Variants in SLC35F1 observed in about 807,000 individuals in gnomAD.
The protein encoded by SLC35F1 is chromosome 6 open reading frame 169.
In SLC35F1, 14 loss-of-function variants were observed where a neutral mutation model predicts 48.7. The observed-to-expected ratio is 0.29, with a 90% CI of 0.19 to 0.45. The LOEUF (loss-of-function observed/expected upper bound fraction) is 0.45. Among genes scored for constraint, SLC35F1 ranks in the 20% least tolerant of loss-of-function variants. The probability of loss-of-function intolerance (pLI) is 1.00; values close to 1 mark genes in which losing one functional copy is unlikely to be tolerated. For missense variants in SLC35F1, 404 were observed against 500.0 expected (o/e 0.81, Z 1.83); for synonymous variants, 190 against 202.2 (o/e 0.94, Z 0.51).
intron 1 of SLC35F1, among the ~76,000 whole-genome samples, chr6:118,105,945 T>G (rs972198239): frequency 3.3e-5 from 5 of 152,172 alleles, no homozygotes; most frequent in Non-Finnish European, 7.3e-5. Flanking sequence ...CTTTCCTGCT[T>G]TTTTCTAATC....
At chr6:118,023,870 T>G (rs945210380) in intron 1 of SLC35F1, among the ~76,000 whole-genome samples, 1 of 152,156 alleles carries the variant, frequency 6.6e-6, no homozygotes, top group Non-Finnish European at 1.5e-5. Flanking sequence ...TGAAGACTAT[T>G]CCCGGAATCA....
chr6:118,201,866 A>G (rs979676551), intron 2 of SLC35F1, among the ~76,000 whole-genome samples: 1 of 152,188 alleles, frequency 6.6e-6, no homozygotes. Context: ...ATCATATAAT[A>G]TGTGGTTTTC....
chr6:118,259,029 T>G (rs1407847340), intron 3 of SLC35F1, among the ~76,000 whole-genome samples: 2 of 151,808 alleles, frequency 1.3e-5, no homozygotes, highest in African/African-American at 4.8e-5. Context: ...ACCCATAATT[T>G]TTTTAAAGCT....
chr6:118,224,700 T>C (rs1358194963), intron 2 of SLC35F1, among the ~76,000 whole-genome samples: 5 of 152,246 alleles, frequency 3.3e-5, no homozygotes, highest in Admixed American at 2.0e-4. Context: ...CTTGATTTCT[T>C]CTTCAGATTG....
At chr6:118,212,774 GGAAGGAAGGAAGGAAGGAAA>G (rs1218702858) in intron 2 of SLC35F1, among the ~76,000 whole-genome samples, 14 of 131,344 alleles carry the variant, frequency 1.1e-4, no homozygotes, top group African/African-American at 3.8e-4. Flanking sequence ...AAGGAAGGAA[GGAAGGAAGGAAGGAAGGAAA>G]GAAGGAAGGG....
intron 3 of SLC35F1, among the ~76,000 whole-genome samples, chr6:118,252,938 G>A (rs1238205050): frequency 1.3e-5 from 2 of 152,148 alleles, no homozygotes; most frequent in Non-Finnish European, 2.9e-5. Flanking sequence ...AATCACAAGA[G>A]GAGGGATAAT....
At chr6:118,100,189 C>T (rs189951713) in intron 1 of SLC35F1, among the ~76,000 whole-genome samples, 11 of 152,270 alleles carry the variant, frequency 7.2e-5, no homozygotes, top group Admixed American at 5.2e-4. Flanking sequence ...GGTGCCAAAG[C>T]CTAGGCATGC....
chr6:118,217,199 TTTTA>T (rs1415788190), intron 2 of SLC35F1, among the ~76,000 whole-genome samples: 1 of 152,194 alleles, frequency 6.6e-6, no homozygotes, highest in Admixed American at 6.5e-5. Flanking sequence ...CATAGCAGCG[TTTTA>T]TTTGTGATGG....
intron 4 of SLC35F1, among the ~76,000 whole-genome samples, chr6:118,270,985 A>C (rs1017297022): frequency 6.6e-6 from 1 of 152,218 alleles, no homozygotes; most frequent in African/African-American, 2.4e-5. Context: ...CATTTATTGC[A>C]TCTTTTAGTT....
intron 1 of SLC35F1, among the ~76,000 whole-genome samples, chr6:118,089,871 A>G (rs1429278089): frequency 1.3e-5 from 2 of 152,176 alleles, no homozygotes; most frequent in Non-Finnish European, 2.9e-5. Context: ...CCATAAGCCA[A>G]TTTCATGAAA....
At chr6:118,071,828 C>G (rs764641120) in intron 1 of SLC35F1, among the ~76,000 whole-genome samples, 19 of 152,138 alleles carry the variant, frequency 1.2e-4, no homozygotes, top group Non-Finnish European at 2.2e-4. Flanking sequence ...TCCTGCTTCT[C>G]CAGTTCTTCC....
chr6:117,974,805 T>C (rs981187868), intron 1 of SLC35F1, among the ~76,000 whole-genome samples: 1 of 152,190 alleles, frequency 6.6e-6, no homozygotes, highest in Non-Finnish European at 1.5e-5. Context: ...TTTTCCAAAA[T>C]AAAACAGAAA....
chr6:118,184,956 A>G (rs534688874), intron 2 of SLC35F1, among the ~76,000 whole-genome samples: 40 of 152,274 alleles, frequency 2.6e-4, no homozygotes, highest in Admixed American at 2.3e-3. Flanking sequence ...ATTAGTCAGG[A>G]GATTTAGTCA....
intron 1 of SLC35F1, among the ~76,000 whole-genome samples, chr6:117,980,865 A>G (rs1776767767): frequency 6.6e-6 from 1 of 152,182 alleles, no homozygotes; most frequent in African/African-American, 2.4e-5. Context: ...AGGTAGTGGG[A>G]GGGATATTGC....
intron 1 of SLC35F1, among the ~76,000 whole-genome samples, chr6:118,128,787 T>A (rs1238933957): frequency 6.6e-6 from 1 of 151,368 alleles, no homozygotes; most frequent in African/African-American, 2.4e-5. Flanking sequence ...ATTGTGCACA[T>A]GTACCCAAAA....
intron 1 of SLC35F1, among the ~76,000 whole-genome samples, chr6:118,148,130 A>T (rs1235418528): frequency 1.3e-5 from 2 of 152,182 alleles, no homozygotes; most frequent in South Asian, 4.1e-4. Flanking sequence ...GGTGTTCATT[A>T]TGTATGCATG....
intron 3 of SLC35F1, among the ~76,000 whole-genome samples, chr6:118,241,304 A>G (rs1775437415): frequency 6.6e-6 from 1 of 152,230 alleles, no homozygotes; most frequent in South Asian, 2.1e-4. Flanking sequence ...AAAAAGGCAT[A>G]AAGAGTCACT....
At chr6:118,064,647 CTT>C (rs1191177269) in intron 1 of SLC35F1, among the ~76,000 whole-genome samples, 1 of 152,086 alleles carries the variant, frequency 6.6e-6, no homozygotes, top group African/African-American at 2.4e-5. Context: ...TTGTCAGAGA[CTT>C]AGGGTGCTTA....
intron 3 of SLC35F1, among the ~76,000 whole-genome samples, chr6:118,264,611 A>C (rs917889690): frequency 1.3e-5 from 2 of 152,230 alleles, no homozygotes; most frequent in Admixed American, 6.5e-5. Flanking sequence ...CTCTCCTCAA[A>C]GATTGGACCA....
Sources: gnomAD v4.1 joint callset for allele counts (sites outside exome capture counted in the v4.1 genomes callset) on GRCh38, gnomAD v4.1.1 for gene constraint, MANE v1.5 for transcripts, NCBI Gene and HGNC (gene_info 2026-07-23, HGNC 2026-07-21) for gene names.